The following CDC42SE2 variants were observed in gnomAD, a reference collection of about 807,000 sequenced individuals.
CDC42SE2 encodes the protein CDC42 small effector protein 2.
A neutral mutation model predicts 11.5 loss-of-function variants in CDC42SE2; 3 were observed. The ratio of observed to expected loss-of-function variants is 0.26; its 90% CI spans 0.12 to 0.67. The LOEUF is 0.67. Among genes scored for constraint, CDC42SE2 ranks in the 30% least tolerant of loss-of-function variants. CDC42SE2 has a pLI of 0.80. For synonymous variants in CDC42SE2, 33 were observed against 34.8 expected (o/e 0.95, Z 0.18); for missense variants, 82 against 106.8 (o/e 0.77, Z 1.02).
intron 1 of CDC42SE2, among the ~76,000 whole-genome samples, chr5:131,311,964 C>T (rs138084956): frequency 1.8e-3 from 276 of 152,310 alleles, no homozygotes; most frequent in Admixed American, 5.3e-3. Context: ...ATTCCCTGTC[C>T]AGCTTTGTTC....
the CDC42SE2 span, among the ~76,000 whole-genome samples, chr5:131,231,448 C>T: frequency 6.6e-6 from 1 of 151,822 alleles, no homozygotes; most frequent in African/African-American, 2.4e-5. Context: ...GCAAAAGCAA[C>T]AAAAAAAACA....
rs564394606 is a variant in CDC42SE2 at position 131,378,899 on chromosome 5, G to T, written c.55-6644G>T. Among the ~76,000 whole-genome samples, 3 of 152,250 alleles carry T rather than the reference G, an allele frequency of 2.0e-5. No individual in the cohort carries two copies. In the South Asian group the frequency reaches 6.2e-4, roughly 32 times the overall value. On this transcript the variant is annotated intron_variant, in intron 3 of 4. Transcript: ENST00000505065. Reference sequence around the variant, plus strand: ...AAAGAATGTATGTTCTAATGTTGAAGTTACAAATTATCTGAAGCTGGTAGT... The same window carrying T: ...AAAGAATGTATGTTCTAATGTTGAATTTACAAATTATCTGAAGCTGGTAGT...
chr5:131,224,317 A>C, the CDC42SE2 span, among the ~76,000 whole-genome samples: 3 of 152,338 alleles, frequency 2.0e-5, no homozygotes, highest in Admixed American at 2.0e-4. Context: ...TCTCAAACTG[A>C]ATAGATCTCA....
chr5:131,229,959 C>T, the CDC42SE2 span, among the ~76,000 whole-genome samples: 1 of 152,110 alleles, frequency 6.6e-6, no homozygotes, highest in Non-Finnish European at 1.5e-5. Context: ...AAAACTGTAA[C>T]AGGTATCTAT....
chr5:131,373,013 A>C (rs1166650876), intron 3 of CDC42SE2, among the ~76,000 whole-genome samples: 1 of 152,204 alleles, frequency 6.6e-6, no homozygotes, highest in Non-Finnish European at 1.5e-5. Flanking sequence ...CATTGGTTAT[A>C]TTCAAGTACA....
At chr5:131,218,976 A>G in the CDC42SE2 span, among the ~76,000 whole-genome samples, 1 of 152,236 alleles carries the variant, frequency 6.6e-6, no homozygotes. Context: ...AAGCCAAGAT[A>G]GTGGATAAAT....
chr5:131,332,361 C>T (rs1758439560), intron 2 of CDC42SE2, among the ~76,000 whole-genome samples: 1 of 152,234 alleles, frequency 6.6e-6, no homozygotes, highest in African/African-American at 2.4e-5. Flanking sequence ...TTAATCCAGT[C>T]TATCATTGTT....
intron 1 of CDC42SE2, among the ~76,000 whole-genome samples, chr5:131,252,782 C>T (rs1756651758): frequency 1.3e-5 from 2 of 152,164 alleles, no homozygotes; most frequent in African/African-American, 2.4e-5. Context: ...CTAAAGGCAT[C>T]AGCCTCTCAT....
At chr5:131,308,948 G>A (rs1471830992) in intron 1 of CDC42SE2, among the ~76,000 whole-genome samples, 6 of 150,170 alleles carry the variant, frequency 4.0e-5, no homozygotes, top group Non-Finnish European at 8.9e-5. Flanking sequence ...TCCTTCTCCT[G>A]CCTAATTGCC....
chr5:131,338,616 A>G (rs1335162198), intron 2 of CDC42SE2, among the ~76,000 whole-genome samples: 1 of 152,232 alleles, frequency 6.6e-6, no homozygotes, highest in Non-Finnish European at 1.5e-5. Context: ...TAATCCTCAC[A>G]TAAATCTTTG....
chr5:131,286,989 C>T (rs1161106552), intron 1 of CDC42SE2, among the ~76,000 whole-genome samples: 1 of 151,792 alleles, frequency 6.6e-6, no homozygotes, highest in Non-Finnish European at 1.5e-5. Context: ...ATTTTATTTA[C>T]TATTTTATTC....
chr5:131,358,552 ATTCTGATAGACTCAGC>A (rs926466516), intron 2 of CDC42SE2, among the ~76,000 whole-genome samples: 28 of 152,320 alleles, frequency 1.8e-4, no homozygotes, highest in African/African-American at 6.5e-4. Context: ...CCTGACAAGG[ATTCTGATAGACTCAGC>A]TTGGTTTGCC....
At chr5:131,320,753 A>G (rs757668407) in intron 2 of CDC42SE2, among the ~76,000 whole-genome samples, 4 of 152,190 alleles carry the variant, frequency 2.6e-5, no homozygotes, top group Non-Finnish European at 5.9e-5. Context: ...AAAAAAATGT[A>G]TTCTAAAATT....
chr5:131,262,660 TA>T (rs1756756060), upstream of CDC42SE2, among the ~76,000 whole-genome samples: 1 of 152,204 alleles, frequency 6.6e-6, no homozygotes, highest in East Asian at 1.9e-4. Flanking sequence ...GTCTCTAATA[TA>T]AAATGATATA....
At chr5:131,351,952 G>A (rs1021361890) in intron 2 of CDC42SE2, among the ~76,000 whole-genome samples, 4 of 152,252 alleles carry the variant, frequency 2.6e-5, no homozygotes, top group African/African-American at 7.2e-5. Context: ...GAAGAACATA[G>A]TAAGATGACT....
upstream of CDC42SE2, among the ~76,000 whole-genome samples, chr5:131,260,496 G>A (rs1045066847): frequency 3.6e-4 from 55 of 151,580 alleles, 1 homozygote; most frequent in Admixed American, 3.4e-3. Context: ...GGTGGTGGGC[G>A]CCTGTAATCC....
At chr5:131,254,305 C>T (rs1301235681) in intron 1 of CDC42SE2, among the ~76,000 whole-genome samples, 1 of 151,984 alleles carries the variant, frequency 6.6e-6, no homozygotes, top group Non-Finnish European at 1.5e-5. Flanking sequence ...ACTTTGGGAG[C>T]CTGACGCGGG....
At chr5:131,287,270 C>T (rs1000341710) in intron 1 of CDC42SE2, among the ~76,000 whole-genome samples, 3 of 152,286 alleles carry the variant, frequency 2.0e-5, no homozygotes, top group African/African-American at 7.2e-5. Flanking sequence ...GCTGGGATTA[C>T]AGGCGTGAGT....
At position 131,356,311 on chromosome 5, in the gene CDC42SE2, AGTAACTATT is replaced by A. The variant is rs1749545894; in HGVS notation, c.-285-2897_-285-2889del. On this transcript the variant is annotated intron_variant, in intron 2 of 4. Coordinates refer to ENST00000505065, the MANE Select transcript of CDC42SE2 (RefSeq NM_001375635.1). ...AGCAGCTTTCAGCTCAAGAAGTGAA[AGTAACTATT>A]AGTATAGTTATTAGTGGCAGTGTTG... is the stretch of plus-strand genomic sequence containing the variant. 2.0e-5 allele frequency among the ~76,000 whole-genome samples: 3 copies of A among 152,338 alleles called. No homozygotes were observed. The South Asian group carries it at 6.2e-4, about 32-fold the overall frequency.
Sources: allele counts gnomAD v4.1 joint callset (sites outside exome capture counted in the v4.1 genomes callset), GRCh38; gene constraint gnomAD v4.1.1; transcripts MANE v1.5; gene names NCBI Gene and HGNC (gene_info 2026-07-23, HGNC 2026-07-21).